Variants in GPC5 observed in about 807,000 individuals in gnomAD.
GPC5 encodes the protein glypican-5.
A neutral mutation model predicts 53.9 loss-of-function variants in GPC5; 47 were observed. The observed-to-expected ratio is 0.87, with a 90% confidence interval of 0.69 to 1.11. The LOEUF is 1.11. Among genes scored for constraint, GPC5 ranks in the 50% most tolerant of loss-of-function variants. The pLI is 0.00. For missense variants in GPC5, 748 were observed against 713.1 expected (o/e 1.05, Z -0.56); for synonymous variants, 286 against 263.3 (o/e 1.09, Z -0.84).
intron 6 of GPC5, among the ~76,000 whole-genome samples, chr13:92,082,807 T>C (rs564854088): frequency 6.6e-6 from 1 of 152,198 alleles, no homozygotes; most frequent in Non-Finnish European, 1.5e-5. Context: ...TTTTACATAT[T>C]TTATATCATT....
intron 2 of GPC5, among the ~76,000 whole-genome samples, chr13:91,543,254 A>G (rs1157747686): frequency 2.0e-5 from 3 of 152,014 alleles, no homozygotes; most frequent in African/African-American, 4.8e-5. Context: ...TGGCCTCCCA[A>G]AGTTCTGGGA....
intron 2 of GPC5, among the ~76,000 whole-genome samples, chr13:91,596,783 C>T (rs1338034276): frequency 6.6e-6 from 1 of 152,098 alleles, no homozygotes; most frequent in Admixed American, 6.6e-5. Flanking sequence ...CCCAGTGTTG[C>T]TGGTAGGGAC....
intron 7 of GPC5, among the ~76,000 whole-genome samples, chr13:92,505,168 C>T (rs1277731977): frequency 6.6e-6 from 1 of 151,588 alleles, no homozygotes; most frequent in Non-Finnish European, 1.5e-5. Flanking sequence ...GAGAAGTTAA[C>T]TTTAACAGTA....
At chr13:91,887,262 A>C (rs1219126201) in intron 5 of GPC5, among the ~76,000 whole-genome samples, 2 of 152,156 alleles carry the variant, frequency 1.3e-5, no homozygotes, top group East Asian at 1.9e-4. Context: ...CTCCCACCCA[A>C]GCCATGGGTG....
At chr13:91,502,887 G>A (rs930975520) in intron 2 of GPC5, among the ~76,000 whole-genome samples, 1 of 152,146 alleles carries the variant, frequency 6.6e-6, no homozygotes, top group Non-Finnish European at 1.5e-5. Flanking sequence ...TTGAACCTTG[G>A]TACTGTGACT....
intron 7 of GPC5, among the ~76,000 whole-genome samples, chr13:92,491,188 A>G (rs374091715): frequency 2.6e-5 from 4 of 152,232 alleles, no homozygotes; most frequent in African/African-American, 9.6e-5. Context: ...AAACTTGAAA[A>G]TGATTCTGAG....
chr13:91,945,525 T>A (rs2039966415), intron 6 of GPC5, among the ~76,000 whole-genome samples: 1 of 152,190 alleles, frequency 6.6e-6, no homozygotes, highest in African/African-American at 2.4e-5. Flanking sequence ...TTATCTTTAT[T>A]CTTATAGTAT....
At chr13:92,354,421 T>C (rs1286303738) in intron 7 of GPC5, among the ~76,000 whole-genome samples, 30 of 152,216 alleles carry the variant, frequency 2.0e-4, no homozygotes, top group Admixed American at 2.0e-3. Context: ...ATAGATTATT[T>C]TGATAATTTT....
chr13:92,082,313 A>T (rs1831011), intron 6 of GPC5, among the ~76,000 whole-genome samples: 5 of 152,002 alleles, frequency 3.3e-5, no homozygotes, highest in African/African-American at 1.2e-4. Context: ...AGTAGGGCAC[A>T]ACCCCAAAAC....
At chr13:91,547,342 A>G (rs1175066738) in intron 2 of GPC5, among the ~76,000 whole-genome samples, 5 of 152,042 alleles carry the variant, frequency 3.3e-5, no homozygotes, top group Admixed American at 2.0e-4. Context: ...GATTCCATGG[A>G]CATTTAAAGG....
chr13:92,344,178 A>T (rs1262273047), intron 7 of GPC5, among the ~76,000 whole-genome samples: 1 of 152,162 alleles, frequency 6.6e-6, no homozygotes, highest in Admixed American at 6.5e-5. Flanking sequence ...GAAACCTATA[A>T]TCATGGCAGA....
intron 5 of GPC5, among the ~76,000 whole-genome samples, chr13:91,772,917 T>C (rs1484446678): frequency 6.6e-6 from 1 of 152,164 alleles, no homozygotes; most frequent in East Asian, 1.9e-4. Context: ...ATTACTTTTT[T>C]GGGTAATTTT....
intron 5 of GPC5, among the ~76,000 whole-genome samples, chr13:91,856,481 T>C (rs2038968133): frequency 6.6e-6 from 1 of 151,626 alleles, no homozygotes; most frequent in Non-Finnish European, 1.5e-5. Flanking sequence ...TTCATCAATA[T>C]TTAGTGTTGT....
intron 7 of GPC5, among the ~76,000 whole-genome samples, chr13:92,427,424 A>T (rs1029069220): frequency 1.2e-4 from 18 of 151,214 alleles, no homozygotes; most frequent in Admixed American, 6.6e-5. Context: ...CAAAATATTT[A>T]TTGGAACTTA....
At chr13:92,757,091 G>C (rs903032512) in intron 7 of GPC5, among the ~76,000 whole-genome samples, 2 of 151,604 alleles carry the variant, frequency 1.3e-5, no homozygotes, top group Non-Finnish European at 3.0e-5. Flanking sequence ...ATACTACAAG[G>C]CTACAGTAAC....
At chr13:91,713,416 G>A (rs754470478) in intron 3 of GPC5, among the ~76,000 whole-genome samples, 6 of 151,390 alleles carry the variant, frequency 4.0e-5, no homozygotes, top group Non-Finnish European at 5.9e-5. Context: ...ATTTTCCACC[G>A]TTCCTAATAT....
intron 7 of GPC5, among the ~76,000 whole-genome samples, chr13:92,153,627 G>C (rs1471456081): frequency 6.6e-6 from 1 of 152,142 alleles, no homozygotes; most frequent in East Asian, 1.9e-4. Context: ...GGATATCTTA[G>C]AAGTAGCAGG....
At position 91,779,962 on chromosome 13, in the gene GPC5, C is replaced by T. The variant is rs141530615; in HGVS notation, c.1280+23542C>T. ...TGTATAGTTTAGTAAATACATAAACCGGTAACATAGCTGTTTATTATCAGT... is the reference window on the plus strand; with the variant it reads ...TGTATAGTTTAGTAAATACATAAACTGGTAACATAGCTGTTTATTATCAGT... On this transcript the variant is annotated intron_variant, in intron 5 of 7. Coordinates refer to ENST00000377067, the MANE Select transcript of GPC5 (RefSeq NM_004466.6). Among the ~76,000 whole-genome samples, 248 of 152,008 alleles carry T rather than the reference C, an allele frequency of 1.6e-3. 1 individual carries two copies. The highest frequency in any genetic ancestry group is 5.6e-3 in the African/African-American group (231 of 41,474).
chr13:91,582,333 C>A (rs1003364935), intron 2 of GPC5, among the ~76,000 whole-genome samples: 17 of 152,112 alleles, frequency 1.1e-4, no homozygotes, highest in African/African-American at 1.9e-4. Flanking sequence ...ATAAAATATT[C>A]TCTGGAGAAA....
Sources: allele counts gnomAD v4.1 joint callset (sites outside exome capture counted in the v4.1 genomes callset), GRCh38; gene constraint gnomAD v4.1.1; transcripts MANE v1.5; gene names NCBI Gene and HGNC (gene_info 2026-07-23, HGNC 2026-07-21).